NWD2: variants seen among roughly 807,000 people sequenced by gnomAD.
NWD2 encodes NACHT and WD repeat domain containing 2, also known as NACHT and WD repeat domain-containing protein 2.
NWD2 carries 37 observed loss-of-function variants against 132.7 expected under a neutral mutation model. That is an observed-to-expected ratio of 0.28 (90% CI 0.21 to 0.37). The LOEUF (loss-of-function observed/expected upper bound fraction) is 0.37, where lower values mean the gene tolerates loss of function less well. Among genes scored for constraint, NWD2 ranks in the 10% least tolerant of loss-of-function variants. NWD2 has a pLI of 1.00. For missense variants in NWD2, 1,592 were observed against 2,122.4 expected (o/e 0.75, Z 4.91); for synonymous variants, 705 against 803.0 (o/e 0.88, Z 2.06).
intron 1 of NWD2, among the ~76,000 whole-genome samples, chr4:37,305,141 G>C (rs559078125): frequency 1.2e-4 from 19 of 152,276 alleles, no homozygotes; most frequent in Non-Finnish European, 2.2e-4. Context: ...CACGGCCTGA[G>C]CTCTATGTTG....
intron 1 of NWD2, among the ~76,000 whole-genome samples, chr4:37,303,867 CTA>C (rs1577661297): frequency 6.6e-6 from 1 of 152,176 alleles, no homozygotes; most frequent in African/African-American, 2.4e-5. Context: ...ATATATAAGA[CTA>C]TGTTATCTGC....
In NWD2 at chr4:37,447,888, AG is replaced by A. The variant is rs1270043730; in HGVS notation, c.*674del. The A allele has an allele frequency of 6.6e-6, 1 of 152,242 alleles. No homozygotes were observed. The highest frequency in any genetic ancestry group is 1.5e-5 in the Non-Finnish European group (1 of 68,052). 9.4% of individuals were successfully genotyped at this position (152,242 alleles called of 1,614,324 possible). ...AAGACAGTTGCAACAATTGCATGCG[AG>A]GGTTTCTGTATAACAGAATATATGA... is the stretch of plus-strand genomic sequence containing the variant. On this transcript the variant is annotated 3_prime_UTR_variant, in exon 7 of 7. Transcript: ENST00000309447.
chr4:37,281,491 TA>T (rs1374726036), intron 1 of NWD2, among the ~76,000 whole-genome samples: 1 of 152,082 alleles, frequency 6.6e-6, no homozygotes, highest in Non-Finnish European at 1.5e-5. Context: ...ATGAACCTAT[TA>T]AGGAAAACTA....
At chr4:37,352,443 T>C (rs1032457457) in intron 2 of NWD2, among the ~76,000 whole-genome samples, 8 of 152,158 alleles carry the variant, frequency 5.3e-5, no homozygotes, top group African/African-American at 1.9e-4. Context: ...CATTCATCTG[T>C]CTAATATTGA....
At chr4:37,436,598 G>A (rs1419662519) in intron 5 of NWD2, among the ~76,000 whole-genome samples, 1 of 152,038 alleles carries the variant, frequency 6.6e-6, no homozygotes, top group Non-Finnish European at 1.5e-5. Context: ...TAGTTGAATT[G>A]CTTTCTGGGA....
chr4:37,292,222 A>G (rs1577657719), intron 1 of NWD2, among the ~76,000 whole-genome samples: 2 of 152,278 alleles, frequency 1.3e-5, no homozygotes, highest in South Asian at 2.1e-4. Context: ...TGAGTTTGCT[A>G]TGATCTGAAT....
intron 1 of NWD2, among the ~76,000 whole-genome samples, chr4:37,308,219 C>G (rs770615459): frequency 1.3e-5 from 2 of 152,164 alleles, no homozygotes; most frequent in Non-Finnish European, 2.9e-5. Flanking sequence ...TCTGGTAGAA[C>G]AGTCACGTCT....
chr4:37,414,508 C>A (rs1169783780), intron 3 of NWD2, among the ~76,000 whole-genome samples: 4 of 151,340 alleles, frequency 2.6e-5, no homozygotes, highest in Admixed American at 2.6e-4. Context: ...AGATAAATTA[C>A]CTTTATGCTC....
chr4:37,336,241 T>C (rs1719404137), intron 2 of NWD2, among the ~76,000 whole-genome samples: 1 of 152,228 alleles, frequency 6.6e-6, no homozygotes, highest in Non-Finnish European at 1.5e-5. Context: ...CTGACATGGT[T>C]TTTAAAATTT....
intron 2 of NWD2, among the ~76,000 whole-genome samples, chr4:37,346,717 A>T (rs1719645218): frequency 6.6e-6 from 1 of 152,106 alleles, no homozygotes; most frequent in African/African-American, 2.4e-5. Context: ...TTCAAAGTAT[A>T]AATCTTGCAT....
chr4:37,438,524 A>C (rs1712386538), intron 5 of NWD2, among the ~76,000 whole-genome samples: 1 of 152,216 alleles, frequency 6.6e-6, no homozygotes, highest in Non-Finnish European at 1.5e-5. Flanking sequence ...AGAAATATCC[A>C]CTATAACTTT....
At position 37,445,326 on chromosome 4, in the gene NWD2, C is replaced by T; in HGVS notation, c.3338C>T (p.Ala1113Val). 3.2e-6 allele frequency: 5 copies of T among 1,552,102 alleles called. No homozygotes were observed. The highest frequency in any genetic ancestry group is 2.4e-5 in the East Asian group (1 of 40,918). Residue 1113 changes from alanine to valine, a missense_variant, in exon 7 of 7, where the codon GCT becomes GTT. Physicochemically the swap from Ala to Val is moderately conservative, Grantham distance 64 (BLOSUM62 0). Coordinates refer to ENST00000309447, the MANE Select transcript of NWD2 (RefSeq NM_001144990.2). This position sits in a 1 kb window ranked among gnomAD's most constrained non-coding sequence, Gnocchi z 4.7. ...CAGTGCTCCCTGGATGGTCTGTATG[C>T]TTTCTGTGGCCAATACCTGAACACA... ...CVQCSLDGLY[A>V]FCGQYLNTTT...
At chr4:37,424,695 CAGCAGTCCAGGG>C (rs1396924418) in intron 3 of NWD2, among the ~76,000 whole-genome samples, 1 of 152,114 alleles carries the variant, frequency 6.6e-6, no homozygotes, top group East Asian at 1.9e-4. Flanking sequence ...GGCTCATAAA[CAGCAGTCCAGGG>C]AGCAGCTGCC....
intron 1 of NWD2, among the ~76,000 whole-genome samples, chr4:37,248,036 G>A (rs376223818): frequency 6.6e-5 from 10 of 152,178 alleles, no homozygotes; most frequent in South Asian, 2.1e-4. Flanking sequence ...TCTATTCTAC[G>A]GATGAGATTA....
At position 37,433,278 on chromosome 4, in the gene NWD2, A is replaced by G. The variant is rs182434042; in HGVS notation, c.562-598A>G. ...CTACCATGATCTGGGGGATTTTCTC[A>G]TATGTTACTATTTAATTTGCTTTAA... On this transcript the variant is annotated intron_variant, in intron 4 of 6. Coordinates refer to ENST00000309447, the MANE Select transcript of NWD2 (RefSeq NM_001144990.2). 6.4e-4 allele frequency among the ~76,000 whole-genome samples: 98 copies of G among 152,322 alleles called. 1 individual carries two copies. Among genetic ancestry groups the G allele is most frequent in the Non-Finnish European group, 1.6e-4 (11 of 68,032 alleles).
At chr4:37,246,559 C>T (rs1269514980) in intron 1 of NWD2, among the ~76,000 whole-genome samples, 2 of 151,818 alleles carry the variant, frequency 1.3e-5, no homozygotes, top group Non-Finnish European at 2.9e-5. Flanking sequence ...TCAAAGATGT[C>T]GTCTAGGATT....
chr4:37,367,238 C>G (rs545991210), intron 3 of NWD2, among the ~76,000 whole-genome samples: 2 of 152,036 alleles, frequency 1.3e-5, no homozygotes, highest in Admixed American at 1.3e-4. Context: ...AACTATGGGT[C>G]AAAGTAGAAA....
At chr4:37,393,660 C>T (rs1720722959) in intron 3 of NWD2, among the ~76,000 whole-genome samples, 1 of 152,192 alleles carries the variant, frequency 6.6e-6, no homozygotes, top group Non-Finnish European at 1.5e-5. Context: ...TCTGCAGCAG[C>T]GAGCACTCTG....
intron 3 of NWD2, among the ~76,000 whole-genome samples, chr4:37,392,608 T>C (rs528755508): frequency 6.6e-6 from 1 of 152,074 alleles, no homozygotes; most frequent in Non-Finnish European, 1.5e-5. Flanking sequence ...GTAAGAATGT[T>C]TTGGAGTACA....
Sources: gnomAD v4.1 joint callset for allele counts (sites outside exome capture counted in the v4.1 genomes callset) on GRCh38, gnomAD v4.1.1 for gene constraint, Gnocchi (gnomAD v3.1) non-coding constraint, MANE v1.5 for transcripts, NCBI Gene and HGNC (gene_info 2026-07-23, HGNC 2026-07-21) for gene names.